Variants in MGAT5B observed in about 807,000 individuals in gnomAD.
MGAT5B encodes the protein N-acetylglucosaminyl-transferase Vb.
MGAT5B carries 54 observed loss-of-function variants against 95.1 expected under a neutral mutation model. That is an observed-to-expected ratio of 0.57 (90% CI 0.46 to 0.71). The LOEUF (loss-of-function observed/expected upper bound fraction) is 0.71. Ranked by LOEUF, MGAT5B falls within the 30% of genes least tolerant of loss-of-function variation. The pLI is 0.00. For missense variants in MGAT5B, 935 were observed against 1,088.6 expected (o/e 0.86, Z 1.99); for synonymous variants, 464 against 451.0 (o/e 1.03, Z -0.36).
At chr17:76,909,023 T>C (rs926813550) in intron 8 of MGAT5B, among the ~76,000 whole-genome samples, 2 of 152,148 alleles carry the variant, frequency 1.3e-5, no homozygotes, top group African/African-American at 4.8e-5. Context: ...GTCATGCTGG[T>C]CTCGAACTCC....
At chr17:76,899,415 G>T (rs146444717) in intron 3 of MGAT5B, among the ~76,000 whole-genome samples, 4 of 152,128 alleles carry the variant, frequency 2.6e-5, no homozygotes, top group Non-Finnish European at 4.4e-5. Context: ...AGACTGAGGC[G>T]GGAGGATCAC....
Position 76,926,677 on chromosome 17 carries a change from G to T in MGAT5B, c.1238G>T (p.Arg413Leu), listed in dbSNP as rs1247286744. Reference protein sequence around the residue: ...HEEYATLHGYRTNWGYWNLNP... With the variant: ...HEEYATLHGYLTNWGYWNLNP... Reference sequence around the variant, plus strand: ...GAGTACGCCACGCTGCACGGCTACCGGACCAACTGGGGCTACTGGAACCTC... The same window carrying T: ...GAGTACGCCACGCTGCACGGCTACCTGACCAACTGGGGCTACTGGAACCTC... Residue 413 changes from arginine (R) to leucine (L), a missense_variant, in exon 10 of 18, where the codon CGG (arginine) becomes CTG (leucine). By Grantham distance (102) the Arg-to-Leu change is moderately radical (BLOSUM62 -2). Coordinates refer to ENST00000569840, the MANE Select transcript of MGAT5B (RefSeq NM_001199172.2). 6.2e-7 allele frequency: 1 copy of T among 1,612,740 alleles called. No individual in the cohort carries two copies. The highest frequency in any genetic ancestry group is 8.5e-7 in the Non-Finnish European group (1 of 1,179,932).
intron 8 of MGAT5B, chr17:76,923,917 G>A (rs1168850573): frequency 1.3e-5 from 2 of 152,204 alleles, no homozygotes; most frequent in Non-Finnish European, 1.5e-5. Flanking sequence ...GAACGTGGAA[G>A]GGCCGTCTCT....
rs1969006766 is a variant in MGAT5B at position 76,918,203 on chromosome 17, C to T, written c.1026-6763C>T. 6.6e-6 allele frequency among the ~76,000 whole-genome samples: 1 copy of T among 152,166 alleles called. No homozygotes were observed. The highest frequency in any genetic ancestry group is 1.5e-5 in the Non-Finnish European group (1 of 68,020). On this transcript the variant is annotated intron_variant, in intron 8 of 17. Coordinates refer to ENST00000569840, the MANE Select transcript of MGAT5B (RefSeq NM_001199172.2). This position sits in a 1 kb window ranked among gnomAD's most constrained non-coding sequence, Gnocchi z 5.1. ...AGGCTCCCCCCCAACAACTGCACGC[C>T]TTGTACCGCACCCCCACCCCCGCAC...
At chr17:76,923,131 G>A (rs72887770) in intron 8 of MGAT5B, among the ~76,000 whole-genome samples, 44,397 of 151,974 alleles carry the variant, frequency 0.29, 8,170 homozygotes, top group Non-Finnish European at 0.4. Flanking sequence ...GGGATGGTGC[G>A]CACAGTCCCC....
rs963281840 is a variant in MGAT5B at position 76,914,212 on chromosome 17, T to C, written c.1025+8025T>C. On this transcript the variant is annotated intron_variant, in intron 8 of 17. Transcript: ENST00000569840. This position sits in a 1 kb window ranked among gnomAD's most constrained non-coding sequence, Gnocchi z 5.1. ...GTCATTGCTGACTTTGGAAAGAGCATTGTGGTGCAGTCGTGGGGACAAAGG... is the reference window on the plus strand; with the variant it reads ...GTCATTGCTGACTTTGGAAAGAGCACTGTGGTGCAGTCGTGGGGACAAAGG... The C allele has an allele frequency of 1.6e-5, 3 of 193,512 alleles. No individual in the cohort carries two copies. Among genetic ancestry groups the C allele is most frequent in the Non-Finnish European group, 3.2e-5 (3 of 93,248 alleles). The allele number at this position is 193,512 out of a possible 1,614,324, so 12.0% of individuals were successfully genotyped here. A position where few individuals can be genotyped will look rare whatever the true frequency, so the allele number is the denominator to read the frequency against.
chr17:76,947,205 T>G (rs1232721661), intron 16 of MGAT5B, among the ~76,000 whole-genome samples: 1 of 152,164 alleles, frequency 6.6e-6, no homozygotes, highest in Non-Finnish European at 1.5e-5. Context: ...TTTCCACAGA[T>G]AGTACGTGAC....
At chr17:76,929,191 T>G (rs1969408695) in intron 10 of MGAT5B, among the ~76,000 whole-genome samples, 1 of 152,150 alleles carries the variant, frequency 6.6e-6, no homozygotes, top group Non-Finnish European at 1.5e-5. Context: ...TTGAGGTGTA[T>G]TATCCTGTCG....
intron 16 of MGAT5B, among the ~76,000 whole-genome samples, chr17:76,946,780 T>C (rs780848479): frequency 9.2e-5 from 14 of 152,196 alleles, no homozygotes; most frequent in Non-Finnish European, 1.8e-4. Flanking sequence ...ATTTGGTAAC[T>C]GAATGGGAAG....
At chr17:76,935,790 A>G (rs1468510641) in intron 12 of MGAT5B, among the ~76,000 whole-genome samples, 1 of 143,072 alleles carries the variant, frequency 7.0e-6, no homozygotes, top group Non-Finnish European at 1.5e-5. Flanking sequence ...CTCTTTTTAA[A>G]CATATATATA....
At chr17:76,887,068 G>A (rs960651985) in intron 3 of MGAT5B, among the ~76,000 whole-genome samples, 5 of 81,840 alleles carry the variant, frequency 6.1e-5, no homozygotes, top group East Asian at 2.3e-3. Context: ...AAAAAACACC[G>A]TTGTCCTCTA....
intron 8 of MGAT5B, among the ~76,000 whole-genome samples, chr17:76,920,051 A>G (rs1279952267): frequency 2.0e-5 from 3 of 152,148 alleles, no homozygotes; most frequent in East Asian, 3.8e-4. Flanking sequence ...CTTGGGATTT[A>G]GACTCCTATT....
intron 12 of MGAT5B, among the ~76,000 whole-genome samples, chr17:76,937,183 A>T (rs1845285239): frequency 1.3e-5 from 2 of 152,202 alleles, no homozygotes. Context: ...AAATGGATTC[A>T]GCCCCTGCAA....
chr17:76,946,286 AC>A, intron 15 of MGAT5B, 89 bp from the exon 16 acceptor site: 1 of 1,137,262 alleles, frequency 8.8e-7, no homozygotes, highest in Non-Finnish European at 1.3e-6. Context: ...GTGAGAGCCC[AC>A]CAGACCTCCA....
Position 76,905,217 on chromosome 17 carries a change from G to A in MGAT5B, c.739G>A (p.Gly247Arg), listed in dbSNP as rs199861646. 58 of 1,613,448 alleles carry A rather than the reference G, an allele frequency of 3.6e-5. No homozygotes were observed. Among genetic ancestry groups the A allele is most frequent in the Admixed American group, 5.0e-5 (3 of 59,988 alleles). The change falls in exon 7 of 18, where the codon GGG (glycine) becomes AGG (arginine). Residue 247 changes from glycine to arginine, a missense_variant. By Grantham distance (125) the Gly-to-Arg change is moderately radical (BLOSUM62 -2). Coordinates refer to ENST00000569840, the MANE Select transcript of MGAT5B (RefSeq NM_001199172.2). The surrounding 1 kb of genome is among the most constrained non-coding windows in gnomAD (Gnocchi z 4.2). ...LSHLLDLMGS[G>R]KESLIFMKKR... ...CCACCTTCTGGACCTGATGGGCAGC[G>A]GGAAGGAGTCCCTGATCTTCATGAA...
chr17:76,918,383 T>G lies in MGAT5B; in HGVS notation c.1026-6583T>G, dbSNP rs1264006358. Among the ~76,000 whole-genome samples, 1 of 152,178 alleles carries G rather than the reference T, an allele frequency of 6.6e-6. No homozygotes were observed. The highest frequency in any genetic ancestry group is 2.4e-5 in the African/African-American group (1 of 41,434). ...GAGGGCACAGGGTACATGCTGGGGA[T>G]GCTCAAGGGCATCGCCTTTTCAGGA... On this transcript the variant is annotated intron_variant, in intron 8 of 17. Coordinates refer to ENST00000569840, the MANE Select transcript of MGAT5B (RefSeq NM_001199172.2). This position sits in a 1 kb window ranked among gnomAD's most constrained non-coding sequence, Gnocchi z 5.1.
intron 3 of MGAT5B, among the ~76,000 whole-genome samples, chr17:76,901,089 G>T (rs962597368): frequency 1.3e-5 from 2 of 152,166 alleles, no homozygotes; most frequent in African/African-American, 4.8e-5. Context: ...CTAGTCCCCC[G>T]ATGTGTATGG....
rs1315912551 is a variant in MGAT5B, at chr17:76,912,387, G to A, written c.1025+6200G>A. 6.6e-6 allele frequency among the ~76,000 whole-genome samples: 1 copy of A among 152,160 alleles called. No individual in the cohort carries two copies. Among genetic ancestry groups the A allele is most frequent in the Non-Finnish European group, 1.5e-5 (1 of 68,028 alleles). On this transcript the variant is annotated intron_variant, in intron 8 of 17. Transcript: ENST00000569840. This position sits in a 1 kb window ranked among gnomAD's most constrained non-coding sequence, Gnocchi z 5.0. ...GAGCCGTTCTGTGGGAGCAGCACCA[G>A]GTTAATTTGAAAACAGGTCAATGGG...
At position 76,916,209 on chromosome 17, in the gene MGAT5B, T is replaced by G. The variant is rs578078781; in HGVS notation, c.1026-8757T>G. The stretch of plus-strand genomic sequence containing the variant: ...CCTGGCCCCTGCCCTTCATTCTTCC[T>G]CGGGATCCAGGAGAGACCCTTCCTT... On this transcript the variant is annotated intron_variant, in intron 8 of 17. Coordinates refer to ENST00000569840, the MANE Select transcript of MGAT5B (RefSeq NM_001199172.2). The surrounding 1 kb of genome is among the most constrained non-coding windows in gnomAD (Gnocchi z 5.3). Among the ~76,000 whole-genome samples the G allele has an allele frequency of 6.9e-4, 105 of 152,204 alleles. No homozygotes were observed. The highest frequency in any genetic ancestry group is 1.3e-3 in the Non-Finnish European group (87 of 68,006).
Sources: allele counts gnomAD v4.1 joint callset (sites outside exome capture counted in the v4.1 genomes callset), GRCh38; gene constraint gnomAD v4.1.1; non-coding constraint Gnocchi (gnomAD v3.1); transcripts MANE v1.5; gene names NCBI Gene and HGNC (gene_info 2026-07-23, HGNC 2026-07-21).